Variants in FKBP11 observed in about 807,000 individuals in gnomAD.
The protein encoded by FKBP11 is peptidyl-prolyl cis-trans isomerase FKBP11.
In FKBP11, 21 loss-of-function variants were observed where a neutral mutation model predicts 24.7. That is an observed-to-expected ratio of 0.85 (90% CI 0.60 to 1.23). The LOEUF is 1.23. FKBP11 is among the 50% of genes most tolerant of loss of function. The pLI, the probability that FKBP11 is intolerant of heterozygous loss-of-function variation, is 0.00. For synonymous variants in FKBP11, 106 were observed against 100.6 expected (o/e 1.05, Z -0.32); for missense variants, 245 against 248.7 (o/e 0.99, Z 0.10).
the FKBP11 span, among the ~76,000 whole-genome samples, chr12:48,934,233 C>T: frequency 6.6e-6 from 1 of 152,194 alleles, no homozygotes; most frequent in Non-Finnish European, 1.5e-5. Flanking sequence ...TCTGCCACTG[C>T]CCCTATACTC....
At chr12:48,922,327 T>C in intron 5 of FKBP11, 126 bp from the exon 6 acceptor site, 1 of 897,354 alleles carries the variant, frequency 1.1e-6, no homozygotes, top group African/African-American at 1.7e-5. Context: ...AAGATTTAAA[T>C]GTGGGCTTGA....
chr12:48,924,533 G>C (rs1192774588), intron 3 of FKBP11, 28 bp downstream of exon 3: 2 of 1,593,452 alleles, frequency 1.3e-6, no homozygotes, highest in African/African-American at 1.3e-5. Flanking sequence ...GTTGGGAAGA[G>C]GTGGAATGGG....
At chr12:48,924,349 T>A in intron 3 of FKBP11, 93 bp from the exon 4 acceptor site, 1 of 1,501,296 alleles carries the variant, frequency 6.7e-7, no homozygotes, top group Non-Finnish European at 9.2e-7. Context: ...CATCCTCAAT[T>A]GACCTTTCCC....
In FKBP11 at chr12:48,925,106, C is replaced by T; in HGVS notation, c.135G>A (p.Glu45=). ...VRTLQVETLV[E]PPEPCAEPAA... Reference sequence around the variant, plus strand: ...CGGGCTCGGCACATGGTTCTGGGGGCTCCACCTACGATCGGACTACAGGGG... The same window carrying T: ...CGGGCTCGGCACATGGTTCTGGGGGTTCCACCTACGATCGGACTACAGGGG... Residue 45 remains glutamate, a synonymous_variant, in exon 2 of 6, where the codon GAG becomes GAA. Coordinates refer to ENST00000550765, the MANE Select transcript of FKBP11 (RefSeq NM_016594.3). The T allele has an allele frequency of 6.2e-7, 1 of 1,608,890 alleles. No individual in the cohort carries two copies. Among genetic ancestry groups the T allele is most frequent in the Non-Finnish European group, 8.5e-7 (1 of 1,177,446 alleles).
rs932015132 is a variant in FKBP11 at position 48,925,389 on chromosome 12, G to A, written c.40C>T (p.Leu14=). The A allele has an allele frequency of 8.2e-6, 13 of 1,594,360 alleles. No individual in the cohort carries two copies. The highest frequency in any genetic ancestry group is 1.1e-5 in the Non-Finnish European group (13 of 1,171,674). The change falls in exon 1 of 6, where the codon CTG becomes TTG. Residue 14 remains leucine (L), a synonymous_variant. Transcript: ENST00000550765. The stretch of plus-strand genomic sequence containing the variant: ...ACCGCCGCACTGAGCAGCAGCAGCA[G>A]CAGCAGATGGAGCGGGAGGAGTGAG... ...RPSLLPLHLL[L]LLLLSAAVCR... is the part of the protein sequence containing the mutation.
At chr12:48,936,024 A>G in the FKBP11 span, 1 of 152,242 alleles carries the variant, frequency 6.6e-6, no homozygotes, top group Non-Finnish European at 1.5e-5. Flanking sequence ...ATGGGAAGAA[A>G]TAACCAGTGT....
intron 1 of FKBP11, 94 bp downstream of exon 1, chr12:48,925,206 C>A: frequency 6.3e-7 from 1 of 1,586,564 alleles, no homozygotes; most frequent in Non-Finnish European, 8.6e-7. Flanking sequence ...CCCGCACTTC[C>A]TCTCCTCCCG....
upstream of FKBP11, among the ~76,000 whole-genome samples, chr12:48,930,904 GGATCAC>G (rs1410945840): frequency 6.6e-6 from 1 of 151,996 alleles, no homozygotes; most frequent in African/African-American, 2.4e-5. Flanking sequence ...CGAGGCGGGC[GGATCAC>G]GAGGTCAGGA....
At position 48,924,225 on chromosome 12, in the gene FKBP11, C is replaced by G; in HGVS notation, c.315G>C (p.Val105=). The change falls in exon 4 of 6, where the codon GTG becomes GTC. Residue 105 remains valine, a splice_region_variant and synonymous_variant. Transcript: ENST00000550765. ...GLEQSLLDMC[V]GEKRRAIIPS... ...CCCACCCCTGCCGAGATACTCACCC[C>G]ACACACATGTCGAGAAGACTCTGCT... 1.2e-6 allele frequency: 2 copies of G among 1,614,188 alleles called. No individual in the cohort carries two copies. The highest frequency in any genetic ancestry group is 1.7e-6 in the Non-Finnish European group (2 of 1,180,028).
At chr12:48,928,458 G>A (rs1940008846), upstream of FKBP11, among the ~76,000 whole-genome samples, 1 of 151,482 alleles carries the variant, frequency 6.6e-6, no homozygotes, top group Non-Finnish European at 1.5e-5. Context: ...GAGCATATCT[G>A]GCTAATTTTT....
At chr12:48,926,935 G>A (rs576517681), upstream of FKBP11, among the ~76,000 whole-genome samples, 1 of 152,174 alleles carries the variant, frequency 6.6e-6, no homozygotes, top group South Asian at 2.1e-4. Context: ...TCAGCCTCCC[G>A]AGTAGCTGGG....
chr12:48,930,368 T>C (rs1940032431), upstream of FKBP11, among the ~76,000 whole-genome samples: 1 of 152,216 alleles, frequency 6.6e-6, no homozygotes, highest in African/African-American at 2.4e-5. Context: ...ATGGTTACGT[T>C]TGGGCATGGG....
the FKBP11 span, among the ~76,000 whole-genome samples, chr12:48,933,274 T>C: frequency 6.6e-6 from 1 of 152,070 alleles, no homozygotes; most frequent in Non-Finnish European, 1.5e-5. Context: ...AAAGAAAAAC[T>C]TGAAGAGGAA....
In FKBP11 at chr12:48,925,473, C is replaced by T. The variant is rs769584236; in HGVS notation, c.-45G>A. On this transcript the variant is annotated 5_prime_UTR_variant, in exon 1 of 6. Coordinates refer to ENST00000550765, the MANE Select transcript of FKBP11 (RefSeq NM_016594.3). Reference sequence around the variant, plus strand: ...AGCCGGGGCACCAGGACAGGCTGTTCGGGTGGCGGCAGCCAGGACAGCGTT... The same window carrying T: ...AGCCGGGGCACCAGGACAGGCTGTTTGGGTGGCGGCAGCCAGGACAGCGTT... The T allele has an allele frequency of 4.6e-6, 7 of 1,529,164 alleles. No homozygotes were observed. The highest frequency in any genetic ancestry group is 1.2e-5 in the South Asian group (1 of 82,860). The allele number at this position is 1,529,164 out of a possible 1,614,324, so 94.7% of individuals were successfully genotyped here. A position where few individuals can be genotyped will look rare whatever the true frequency, so the allele number is the denominator to read the frequency against.
chr12:48,938,674 A>G, the FKBP11 span: 265 of 469,248 alleles, frequency 5.6e-4, 2 homozygotes, highest in South Asian at 4.9e-3. Context: ...AGGGTGAGAG[A>G]GAGAGGGGCC....
At chr12:48,930,102 AAAT>A (rs1473262311), upstream of FKBP11, among the ~76,000 whole-genome samples, 3 of 152,274 alleles carry the variant, frequency 2.0e-5, no homozygotes, top group African/African-American at 7.2e-5. Context: ...GATAGCCTCC[AAAT>A]AATAGATTCT....
upstream of FKBP11, among the ~76,000 whole-genome samples, chr12:48,927,254 C>T (rs576648700): frequency 6.6e-6 from 1 of 152,310 alleles, no homozygotes; most frequent in Non-Finnish European, 1.5e-5. Flanking sequence ...GATTCTCCTT[C>T]CAAAGTCTCT....
At chr12:48,938,174 G>A in the FKBP11 span, 1 of 346,524 alleles carries the variant, frequency 2.9e-6, no homozygotes, top group Admixed American at 3.8e-5. Flanking sequence ...AGAGATAAAT[G>A]CCATCCTCCA....
chr12:48,932,528 C>T, the FKBP11 span, among the ~76,000 whole-genome samples: 1 of 151,782 alleles, frequency 6.6e-6, no homozygotes, highest in Non-Finnish European at 1.5e-5. Flanking sequence ...CTCCACTCTT[C>T]CCCTATGGCT....
Sources: allele counts gnomAD v4.1 joint callset (sites outside exome capture counted in the v4.1 genomes callset), GRCh38; gene constraint gnomAD v4.1.1; transcripts MANE v1.5; gene names NCBI Gene and HGNC (gene_info 2026-07-23, HGNC 2026-07-21).